LOC128462377: variants seen among roughly 807,000 people sequenced by gnomAD.
chr16:89,362,296 G>A, the LOC128462377 span, among the ~76,000 whole-genome samples: 1 of 152,338 alleles, frequency 6.6e-6, no homozygotes, highest in East Asian at 1.9e-4. Flanking sequence ...GGGATGAAGA[G>A]TGCTCCTCTG....
At chr16:89,381,368 CAAGCAAGAGTTCAGACTATTAG>C in the LOC128462377 span, among the ~76,000 whole-genome samples, 1 of 138,078 alleles carries the variant, frequency 7.2e-6, no homozygotes, top group African/African-American at 2.8e-5. Flanking sequence ...GTGAGAAGGG[CAAGCAAGAGTTCAGACTATTAG>C]AAGCAAGACA....
At chr16:89,322,539 G>A in the LOC128462377 span, among the ~76,000 whole-genome samples, 4 of 152,226 alleles carry the variant, frequency 2.6e-5, no homozygotes, top group Admixed American at 2.6e-4. Flanking sequence ...CAGCAGCAGG[G>A]TGGAAAAGGG....
chr16:89,330,558 G>A, the LOC128462377 span, among the ~76,000 whole-genome samples: 7 of 151,630 alleles, frequency 4.6e-5, no homozygotes, highest in Admixed American at 1.3e-4. Flanking sequence ...ATGGGGTGGT[G>A]TGGGGGGGAG....
At chr16:89,351,934 A>G in the LOC128462377 span, among the ~76,000 whole-genome samples, 1 of 152,032 alleles carries the variant, frequency 6.6e-6, no homozygotes, top group African/African-American at 2.4e-5. Flanking sequence ...TTTTTTGGAG[A>G]CAGTCTCACT....
At chr16:89,336,677 G>A in the LOC128462377 span, among the ~76,000 whole-genome samples, 3,820 of 152,296 alleles carry the variant, frequency 0.025, 95 homozygotes, top group East Asian at 0.11. Context: ...AGGGAGCACA[G>A]GCACTAGGAG....
At chr16:89,325,068 C>T in the LOC128462377 span, 146 of 154,182 alleles carry the variant, frequency 9.5e-4, no homozygotes, top group Middle Eastern at 3.3e-3. Context: ...CAAGTATGCC[C>T]TATAGCCCAG....
At chr16:89,376,206 A>G in the LOC128462377 span, among the ~76,000 whole-genome samples, 2 of 152,356 alleles carry the variant, frequency 1.3e-5, no homozygotes, top group African/African-American at 4.8e-5. Context: ...AATAGACTCT[A>G]GTCTGATTCC....
chr16:89,388,727 GGTCC>G, the LOC128462377 span, among the ~76,000 whole-genome samples: 2 of 152,188 alleles, frequency 1.3e-5, no homozygotes, highest in Non-Finnish European at 2.9e-5. Context: ...AGAGCCGGCA[GGTCC>G]CGGGCTCACA....
At chr16:89,356,912 G>A in the LOC128462377 span, among the ~76,000 whole-genome samples, 17 of 152,250 alleles carry the variant, frequency 1.1e-4, no homozygotes, top group East Asian at 1.9e-3. Flanking sequence ...GTAATCTCCC[G>A]GAGTCCCAGG....
chr16:89,332,888 G>GT, the LOC128462377 span, among the ~76,000 whole-genome samples: 1 of 152,200 alleles, frequency 6.6e-6, no homozygotes, highest in African/African-American at 2.4e-5. Flanking sequence ...GGGCTGCTTT[G>GT]TTTTTTAACG....
At chr16:89,398,327 TGAAGA>T in the LOC128462377 span, among the ~76,000 whole-genome samples, 2 of 128,534 alleles carry the variant, frequency 1.6e-5, no homozygotes, top group Non-Finnish European at 3.4e-5. Flanking sequence ...GTGAAACAGC[TGAAGA>T]CTACCTGTGA....
At chr16:89,355,923 G>A in the LOC128462377 span, among the ~76,000 whole-genome samples, 3 of 152,158 alleles carry the variant, frequency 2.0e-5, no homozygotes, top group Admixed American at 6.5e-5. Flanking sequence ...GGAGACCAGG[G>A]CTCAGGAACG....
At chr16:89,355,046 C>A in the LOC128462377 span, among the ~76,000 whole-genome samples, 5 of 151,502 alleles carry the variant, frequency 3.3e-5, no homozygotes, top group Non-Finnish European at 1.5e-5. Context: ...AACGCCAGAA[C>A]AACATGTTTG....
At chr16:89,407,852 C>CAA in the LOC128462377 span, among the ~76,000 whole-genome samples, 42 of 111,424 alleles carry the variant, frequency 3.8e-4, no homozygotes, top group South Asian at 5.9e-4. Flanking sequence ...TGTCTCCCTC[C>CAA]AAAAAAAAAA....
the LOC128462377 span, among the ~76,000 whole-genome samples, chr16:89,413,260 T>A: frequency 6.6e-6 from 1 of 152,232 alleles, no homozygotes; most frequent in African/African-American, 2.4e-5. Flanking sequence ...GCATAATTAC[T>A]ACGCATATTT....
the LOC128462377 span, among the ~76,000 whole-genome samples, chr16:89,342,508 C>A: frequency 6.6e-6 from 1 of 152,340 alleles, no homozygotes; most frequent in Admixed American, 6.5e-5. Context: ...GAGAGGCCAG[C>A]GTGAACTCGC....
the LOC128462377 span, among the ~76,000 whole-genome samples, chr16:89,383,692 G>A: frequency 3.3e-5 from 5 of 152,190 alleles, no homozygotes; most frequent in Admixed American, 1.3e-4. Context: ...CAGACGTCCA[G>A]CCCCTGCCCT....
At chr16:89,340,768 C>A in the LOC128462377 span, among the ~76,000 whole-genome samples, 2 of 152,156 alleles carry the variant, frequency 1.3e-5, no homozygotes, top group African/African-American at 4.8e-5. Context: ...TTGGAAGAGG[C>A]ACAAGGGCCC....
At chr16:89,349,890 A>T in the LOC128462377 span, among the ~76,000 whole-genome samples, 3 of 132,664 alleles carry the variant, frequency 2.3e-5, no homozygotes, top group Non-Finnish European at 4.8e-5. Flanking sequence ...ACACACACAC[A>T]CACACACACA....
Sources: allele counts gnomAD v4.1 joint callset (sites outside exome capture counted in the v4.1 genomes callset), GRCh38; gene constraint gnomAD v4.1.1; transcripts MANE v1.5.